BTG4: variants seen among roughly 807,000 people sequenced by gnomAD.
BTG4 encodes protein BTG4.
In BTG4, 10 loss-of-function variants were observed where a neutral mutation model predicts 19.3. The ratio of observed to expected loss-of-function variants is 0.52; its 90% CI spans 0.32 to 0.88. The LOEUF (loss-of-function observed/expected upper bound fraction) is 0.88. BTG4 is among the 40% of genes least tolerant of loss of function. The pLI is 0.04. For synonymous variants in BTG4, 91 were observed against 95.7 expected, an observed-to-expected ratio of 0.95 and a Z score of 0.29; for missense variants, 238 against 281.9, an observed-to-expected ratio of 0.84 and a Z score of 1.11.
downstream of BTG4, among the ~76,000 whole-genome samples, chr11:111,490,279 T>TAAA (rs143924823): frequency 1.0e-4 from 15 of 150,658 alleles, no homozygotes; most frequent in South Asian, 1.1e-3. Context: ...ATCTCAAAAA[T>TAAA]AAAAAAAATA....
chr11:111,503,378 C>A (rs1026780234), intron 1 of BTG4, among the ~76,000 whole-genome samples: 7 of 152,208 alleles, frequency 4.6e-5, no homozygotes, highest in Non-Finnish European at 8.8e-5. Context: ...GAAAGACCAA[C>A]CTGGTCTGGC....
intron 1 of BTG4, among the ~76,000 whole-genome samples, chr11:111,504,374 A>T (rs1366016560): frequency 6.6e-6 from 1 of 152,132 alleles, no homozygotes; most frequent in African/African-American, 2.4e-5. Context: ...TGTTGATTTG[A>T]ACTCAAAAGA....
At chr11:111,484,223 G>C (rs1278967963) in intron 5 of BTG4, among the ~76,000 whole-genome samples, 1 of 151,912 alleles carries the variant, frequency 6.6e-6, no homozygotes, top group African/African-American at 2.4e-5. Context: ...TCTAAAGAAA[G>C]CTATTCAATC....
chr11:111,401,555 C>T, the BTG4 span, among the ~76,000 whole-genome samples: 1 of 151,950 alleles, frequency 6.6e-6, no homozygotes, highest in East Asian at 1.9e-4. Flanking sequence ...TTTTTGCATC[C>T]CTTCTGCAAA....
chr11:111,420,878 A>G, the BTG4 span, among the ~76,000 whole-genome samples: 1 of 152,214 alleles, frequency 6.6e-6, no homozygotes, highest in Admixed American at 6.5e-5. Flanking sequence ...CAAAACACTA[A>G]TAATTGTAAT....
At chr11:111,422,765 C>G in the BTG4 span, among the ~76,000 whole-genome samples, 1 of 152,184 alleles carries the variant, frequency 6.6e-6, no homozygotes, top group Non-Finnish European at 1.5e-5. Context: ...GGACACGAGA[C>G]ACCCATAGGA....
At chr11:111,498,166 T>G (rs1047858974) in intron 2 of BTG4, 31 bp from the exon 3 acceptor site, 1 of 1,611,132 alleles carries the variant, frequency 6.2e-7, no homozygotes, top group Non-Finnish European at 8.5e-7. Context: ...AACGAAGACA[T>G]GATGACAGAC....
At chr11:111,441,577 C>A in the BTG4 span, among the ~76,000 whole-genome samples, 6 of 152,188 alleles carry the variant, frequency 3.9e-5, no homozygotes, top group African/African-American at 1.2e-4. Context: ...TGCTCTTGGG[C>A]TGTTTATAAT....
intron 1 of BTG4, among the ~76,000 whole-genome samples, chr11:111,500,282 G>T (rs139375702): frequency 6.6e-6 from 1 of 152,148 alleles, no homozygotes; most frequent in Non-Finnish European, 1.5e-5. Flanking sequence ...CCCATTAAGC[G>T]TTAAGAAGCC....
At chr11:111,403,675 C>T in the BTG4 span, among the ~76,000 whole-genome samples, 3 of 152,188 alleles carry the variant, frequency 2.0e-5, no homozygotes, top group Non-Finnish European at 4.4e-5. Flanking sequence ...AATTAAGCCA[C>T]TCTCACTCAA....
the BTG4 span, among the ~76,000 whole-genome samples, chr11:111,398,591 C>G: frequency 6.6e-6 from 1 of 152,008 alleles, no homozygotes; most frequent in East Asian, 1.9e-4. Flanking sequence ...GTAGCTGGGA[C>G]TACAGGCACC....
At chr11:111,476,351 T>A (rs1447018464) in intron 5 of BTG4, among the ~76,000 whole-genome samples, 1 of 152,132 alleles carries the variant, frequency 6.6e-6, no homozygotes, top group Admixed American at 6.6e-5. Context: ...TTAAGAGACA[T>A]CCATACATGG....
chr11:111,400,844 G>A, the BTG4 span: 6 of 152,136 alleles, frequency 3.9e-5, no homozygotes, highest in African/African-American at 1.4e-4. Context: ...CACCTCTGTA[G>A]TAGTCTTTCT....
the BTG4 span, among the ~76,000 whole-genome samples, chr11:111,442,719 AACTCT>A: frequency 6.6e-6 from 1 of 152,120 alleles, no homozygotes; most frequent in East Asian, 1.9e-4. Context: ...GAAAAAAAAA[AACTCT>A]CTATCTAAAT....
At chr11:111,489,744 C>T (rs1453035835) in intron 5 of BTG4, among the ~76,000 whole-genome samples, 1 of 151,310 alleles carries the variant, frequency 6.6e-6, no homozygotes, top group African/African-American at 2.4e-5. Context: ...ATAAGCCAGG[C>T]ACAGAAAGAC....
chr11:111,389,005 C>T, the BTG4 span, among the ~76,000 whole-genome samples: 12 of 152,286 alleles, frequency 7.9e-5, no homozygotes, highest in African/African-American at 2.6e-4. Context: ...ATGATTTGTG[C>T]CAAAACACCA....
At chr11:111,389,896 G>A in the BTG4 span, among the ~76,000 whole-genome samples, 1 of 152,202 alleles carries the variant, frequency 6.6e-6, no homozygotes, top group East Asian at 1.9e-4. Context: ...GGAGTTCCAT[G>A]TGTGCCTTCC....
At chr11:111,436,271 A>G in the BTG4 span, among the ~76,000 whole-genome samples, 1 of 152,138 alleles carries the variant, frequency 6.6e-6, no homozygotes, top group African/African-American at 2.4e-5. Flanking sequence ...ACTGGTGACG[A>G]CCACCTCCAG....
rs1466578599 is a variant in BTG4, at chr11:111,472,267, CCA to C, written c.663-4588_663-4587del. ...CTTCCCCTCATTCACTCAACTCCAA[CCA>C]CACTTTCCTCCTCACTGTTCTTCAA... On this transcript the variant is annotated intron_variant, in intron 5 of 5. Coordinates refer to the BTG4 transcript ENST00000356018. 3.9e-5 allele frequency among the ~76,000 whole-genome samples: 6 copies of C among 152,346 alleles called. No homozygotes were observed. The East Asian group carries it at 9.6e-4, about 24-fold the overall frequency.
Sources: allele counts gnomAD v4.1 joint callset (sites outside exome capture counted in the v4.1 genomes callset), GRCh38; gene constraint gnomAD v4.1.1; transcripts MANE v1.5; gene names NCBI Gene and HGNC (gene_info 2026-07-23, HGNC 2026-07-21).